Variants in FOXN3 observed in about 807,000 individuals in gnomAD.
The protein encoded by FOXN3 is forkhead box protein N3.
Under a neutral mutation model 38.4 loss-of-function variants are expected in FOXN3, and 7 were observed. That is an observed-to-expected ratio of 0.18 (90% CI 0.10 to 0.34). FOXN3 has a LOEUF of 0.34. Among genes scored for constraint, FOXN3 ranks in the 10% least tolerant of loss-of-function variants. FOXN3 has a pLI of 1.00. For synonymous variants in FOXN3, 230 were observed against 242.2 expected (o/e 0.95, Z 0.47); for missense variants, 456 against 613.4 (o/e 0.74, Z 2.71).
intron 4 of FOXN3, among the ~76,000 whole-genome samples, chr14:89,243,686 A>G (rs1885207238): frequency 6.6e-6 from 1 of 152,232 alleles, no homozygotes; most frequent in South Asian, 2.1e-4. Flanking sequence ...TAAATTTGAC[A>G]TCATGGAATA....
intron 2 of FOXN3, among the ~76,000 whole-genome samples, chr14:89,373,580 G>A (rs1890387015): frequency 6.6e-6 from 1 of 152,148 alleles, no homozygotes; most frequent in African/African-American, 2.4e-5. Context: ...TATTTGTGAG[G>A]TTGTGACTAA....
chr14:89,274,841 G>A (rs1193653967), intron 4 of FOXN3, among the ~76,000 whole-genome samples: 2 of 152,168 alleles, frequency 1.3e-5, no homozygotes, highest in African/African-American at 4.8e-5. Context: ...CATCCAACAG[G>A]CTCTGGGCAT....
At position 89,405,504 on chromosome 14, in the gene FOXN3, G is replaced by C. The variant is rs558685416; in HGVS notation, c.543+6430C>G. ...ACCGAGAGCAAACGTGAAGAGAACA[G>C]CAAATTAGAGACAATTTGTATCAAC... On this transcript the variant is annotated intron_variant, in intron 2 of 5. Coordinates refer to ENST00000557258, the MANE Select transcript of FOXN3 (RefSeq NM_005197.4). 7.9e-5 allele frequency among the ~76,000 whole-genome samples: 12 copies of C among 152,200 alleles called. 1 individual carries two copies. In the East Asian group the frequency reaches 2.3e-3, roughly 29 times the overall value.
chr14:89,433,082 C>T (rs1279302426), intron 1 of FOXN3, among the ~76,000 whole-genome samples: 1 of 152,232 alleles, frequency 6.6e-6, no homozygotes, highest in African/African-American at 2.4e-5. Context: ...TGGCTGGGCA[C>T]AGTGGCTCAC....
intron 3 of FOXN3, chr14:89,290,341 C>T: frequency 2.7e-6 from 1 of 369,818 alleles, no homozygotes. Flanking sequence ...ATGCATCTTC[C>T]CCGAGTTAGG....
chr14:89,466,750 G>A (rs1892980787), intron 1 of FOXN3, among the ~76,000 whole-genome samples: 1 of 152,184 alleles, frequency 6.6e-6, no homozygotes, highest in Admixed American at 6.5e-5. Flanking sequence ...TGGGGCAGCT[G>A]GCCAAGGACC....
intron 1 of FOXN3, among the ~76,000 whole-genome samples, chr14:89,481,421 A>G (rs1248027250): frequency 6.6e-6 from 1 of 151,880 alleles, no homozygotes; most frequent in African/African-American, 2.4e-5. Context: ...TCGTCTTCTC[A>G]TTGGTGTCAT....
chr14:89,301,389 T>C (rs1887212848), intron 3 of FOXN3, among the ~76,000 whole-genome samples: 1 of 151,274 alleles, frequency 6.6e-6, no homozygotes, highest in Non-Finnish European at 1.5e-5. Context: ...AATGGGAGGA[T>C]CACTTGAACC....
intron 1 of FOXN3, among the ~76,000 whole-genome samples, chr14:89,558,830 C>T (rs1566699507): frequency 6.6e-6 from 1 of 152,136 alleles, no homozygotes; most frequent in Non-Finnish European, 1.5e-5. Flanking sequence ...GTCGGGGCGA[C>T]AGCAGGGCCA....
chr14:89,180,673 G>A lies in FOXN3; in HGVS notation c.851+28C>T, dbSNP rs1686260381. 5 of 1,530,620 alleles carry A rather than the reference G, an allele frequency of 3.3e-6. No homozygotes were observed. The South Asian group carries it at 4.9e-5, about 15-fold the overall frequency. 94.8% of individuals were successfully genotyped at this position (1,530,620 alleles called of 1,614,324 possible). On this transcript the variant is annotated intron_variant, in intron 5 of 5. Transcript: ENST00000557258. ...AGCTGCCCTTCCCACTCCCCAGGCT[G>A]GCTCTGCCCAGCGCACTCCCCACTT...
At chr14:89,379,440 A>T (rs908498362) in intron 2 of FOXN3, among the ~76,000 whole-genome samples, 2 of 152,078 alleles carry the variant, frequency 1.3e-5, no homozygotes, top group African/African-American at 2.4e-5. Flanking sequence ...AGCAGCATCA[A>T]TGGCCTCTAC....
intron 1 of FOXN3, among the ~76,000 whole-genome samples, chr14:89,555,887 GTATGT>G (rs1895113376): frequency 7.2e-6 from 1 of 139,478 alleles, no homozygotes; most frequent in Non-Finnish European, 1.6e-5. Flanking sequence ...ATGTGGGGGT[GTATGT>G]GGGGGTGTGT....
Position 89,259,043 on chromosome 14 carries a change from C to T in FOXN3, c.745+21907G>A, listed in dbSNP as rs144743197. The stretch of plus-strand genomic sequence containing the variant: ...GCAGACAGCATCAAGCCTGTCTATA[C>T]AACAGAATCACCTGGTGGCTTTGAA... On this transcript the variant is annotated intron_variant, in intron 4 of 5. Transcript: ENST00000557258. Among the ~76,000 whole-genome samples the T allele has an allele frequency of 6.8e-4, 104 of 152,372 alleles. 1 individual carries two copies. The highest frequency in any genetic ancestry group is 2.4e-3 in the African/African-American group (98 of 41,590).
intron 1 of FOXN3, among the ~76,000 whole-genome samples, chr14:89,433,138 T>A (rs1232444974): frequency 6.6e-6 from 1 of 151,898 alleles, no homozygotes; most frequent in Non-Finnish European, 1.5e-5. Flanking sequence ...TCACCTGAGG[T>A]CAGGAGTTTG....
chr14:89,404,305 C>T lies in FOXN3; in HGVS notation c.543+7629G>A, dbSNP rs138611514. 1.4e-3 allele frequency among the ~76,000 whole-genome samples: 208 copies of T among 151,606 alleles called. 1 individual carries two copies. Among genetic ancestry groups the T allele is most frequent in the African/African-American group, 4.6e-3 (192 of 41,322 alleles). On this transcript the variant is annotated intron_variant, in intron 2 of 5. Transcript: ENST00000557258. ...CGGGCAGATCACAAGGTCAGGAGTTCGAGACCAGCCTGACCAACAAACACC... is the reference window on the plus strand; with the variant it reads ...CGGGCAGATCACAAGGTCAGGAGTTTGAGACCAGCCTGACCAACAAACACC...
chr14:89,360,777 ACCACCAC>A (rs1889501129), intron 2 of FOXN3, among the ~76,000 whole-genome samples: 2 of 85,166 alleles, frequency 2.3e-5, no homozygotes, highest in East Asian at 3.1e-4. Flanking sequence ...TACCACCTCC[ACCACCAC>A]CTCCACCACC....
At chr14:89,449,647 T>G (rs931822168) in intron 1 of FOXN3, among the ~76,000 whole-genome samples, 1 of 152,220 alleles carries the variant, frequency 6.6e-6, no homozygotes, top group African/African-American at 2.4e-5. Context: ...ACCACGTTTT[T>G]GGGGGGCAGG....
chr14:89,173,224 G>GT (rs1254622539), intron 5 of FOXN3, among the ~76,000 whole-genome samples: 1 of 152,200 alleles, frequency 6.6e-6, no homozygotes, highest in East Asian at 1.9e-4. Context: ...AACATCTTTA[G>GT]TAAAAAGGGA....
At chr14:89,341,672 T>A (rs966621311) in intron 3 of FOXN3, among the ~76,000 whole-genome samples, 1 of 152,226 alleles carries the variant, frequency 6.6e-6, no homozygotes, top group African/African-American at 2.4e-5. Flanking sequence ...TTTTCTATTA[T>A]TGATGAAAAA....
Sources: gnomAD v4.1 joint callset for allele counts (sites outside exome capture counted in the v4.1 genomes callset) on GRCh38, gnomAD v4.1.1 for gene constraint, MANE v1.5 for transcripts, NCBI Gene and HGNC (gene_info 2026-07-23, HGNC 2026-07-21) for gene names.